USH2A: variants seen among roughly 807,000 people sequenced by gnomAD.
USH2A encodes the protein Usher syndrome 2A (autosomal recessive, mild).
A neutral mutation model predicts 538.9 loss-of-function variants in USH2A; 443 were observed. The observed-to-expected ratio is 0.82, with a 90% CI of 0.76 to 0.89. The LOEUF is 0.89. Among genes scored for constraint, USH2A ranks in the 40% least tolerant of loss-of-function variants. The pLI is 0.00. For missense variants in USH2A, 6,633 were observed against 6,324.8 expected, an observed-to-expected ratio of 1.05 and a Z score of -1.65; for synonymous variants, 2,413 against 2,273.5, an observed-to-expected ratio of 1.06 and a Z score of -1.75.
At chr1:215,880,631 G>A (rs1664879813) in intron 41 of USH2A, among the ~76,000 whole-genome samples, 1 of 152,244 alleles carries the variant, frequency 6.6e-6, no homozygotes, top group South Asian at 2.1e-4. Context: ...TGCTGTCTGT[G>A]GACCCGGAAA....
At chr1:215,828,439 TCAA>T (rs1328932865) in intron 47 of USH2A, among the ~76,000 whole-genome samples, 3 of 152,086 alleles carry the variant, frequency 2.0e-5, no homozygotes, top group African/African-American at 4.8e-5. Flanking sequence ...AGATCCTGTC[TCAA>T]CAACAACAAC....
rs541938498 is a variant in USH2A at position 215,850,583 on chromosome 1, C to T, written c.8846-4550G>A. 2.0e-5 allele frequency among the ~76,000 whole-genome samples: 3 copies of T among 152,118 alleles called. No individual in the cohort carries two copies. The South Asian group carries it at 6.2e-4, about 32-fold the overall frequency. Reference sequence around the variant, plus strand: ...ACACATAGGAGTTTAAAAAGGGCAACATAATAATAGCAGGGGACTTCAATA... The same window carrying T: ...ACACATAGGAGTTTAAAAAGGGCAATATAATAATAGCAGGGGACTTCAATA... On this transcript the variant is annotated intron_variant, in intron 44 of 71. Transcript: ENST00000307340.
chr1:216,253,604 C>A (rs1450005287), intron 11 of USH2A, among the ~76,000 whole-genome samples: 1 of 152,158 alleles, frequency 6.6e-6, no homozygotes, highest in Non-Finnish European at 1.5e-5. Context: ...GAATTCTATG[C>A]GTATTGATCA....
At chr1:215,964,424 C>A (rs1667281685) in intron 37 of USH2A, among the ~76,000 whole-genome samples, 1 of 152,164 alleles carries the variant, frequency 6.6e-6, no homozygotes, top group South Asian at 2.1e-4. Flanking sequence ...TTTAGAAAAG[C>A]CTGTTTTTTT....
At chr1:215,977,002 T>A (rs549022818) in intron 35 of USH2A, among the ~76,000 whole-genome samples, 1 of 151,142 alleles carries the variant, frequency 6.6e-6, no homozygotes, top group African/African-American at 2.4e-5. Flanking sequence ...TTTTTTCTTT[T>A]TTTTCGGCGG....
chr1:215,731,446 G>C (rs538581051), intron 60 of USH2A, among the ~76,000 whole-genome samples: 165 of 152,228 alleles, frequency 1.1e-3, no homozygotes, highest in African/African-American at 3.7e-3. Flanking sequence ...CATTTAACTG[G>C]AAGTGTTTCC....
At chr1:215,663,956 C>T (rs1657522462) in intron 64 of USH2A, among the ~76,000 whole-genome samples, 1 of 152,062 alleles carries the variant, frequency 6.6e-6, no homozygotes, top group African/African-American at 2.4e-5. Context: ...CAGAATGAAG[C>T]CAAACAGAGA....
Position 216,327,660 on chromosome 1 carries a change from A to G in USH2A, c.785-6T>C. The stretch of plus-strand genomic sequence containing the variant: ...TCCGACAAACTGCTCTAAACCTGCA[A>G]ATACACACATGTGCATAATATAAGA... On this transcript the variant is annotated splice_polypyrimidine_tract_variant and splice_region_variant and intron_variant, in intron 4 of 71. Transcript: ENST00000307340. The G allele has an allele frequency of 6.2e-7, 1 of 1,612,956 alleles. No homozygotes were observed. Among genetic ancestry groups the G allele is most frequent in the Non-Finnish European group, 8.5e-7 (1 of 1,179,344 alleles).
intron 18 of USH2A, among the ~76,000 whole-genome samples, chr1:216,197,953 T>C (rs1444051765): frequency 1.3e-5 from 2 of 152,170 alleles, no homozygotes; most frequent in African/African-American, 2.4e-5. Flanking sequence ...ATCTCTTTCA[T>C]TGAACATAAA....
chr1:215,836,549 A>AT lies in USH2A; in HGVS notation c.9371+1441dup, dbSNP rs1456042434. 8.4e-3 allele frequency among the ~76,000 whole-genome samples: 134 copies of AT among 15,982 alleles called. 6 individuals are homozygous for AT. The highest frequency in any genetic ancestry group is 0.021 in the African/African-American group (69 of 3,282). 10.5% of individuals were successfully genotyped at this position (15,982 alleles called of 152,430 possible). A position where few individuals can be genotyped will look rare whatever the true frequency, so the allele number is the denominator to read the frequency against. On this transcript the variant is annotated intron_variant, in intron 47 of 71. Coordinates refer to ENST00000307340, the MANE Select transcript of USH2A (RefSeq NM_206933.4). ...TATTATATATATATATATAATATATATATATATATATATATATTTTTTTTT... is the reference window on the plus strand; with the variant it reads ...TATTATATATATATATATAATATATATTATATATATATATATATTTTTTTTT...
At chr1:216,384,820 T>C (rs1274483358) in intron 3 of USH2A, among the ~76,000 whole-genome samples, 1 of 152,188 alleles carries the variant, frequency 6.6e-6, no homozygotes, top group Admixed American at 6.5e-5. Context: ...CTAAAGATAT[T>C]TTCCTTGTGG....
At chr1:216,042,699 C>T (rs915506943) in intron 32 of USH2A, among the ~76,000 whole-genome samples, 4 of 152,086 alleles carry the variant, frequency 2.6e-5, no homozygotes, top group African/African-American at 9.7e-5. Flanking sequence ...TTGCTGACTT[C>T]AGACAGACAG....
intron 9 of USH2A, among the ~76,000 whole-genome samples, chr1:216,311,291 G>C (rs1452324340): frequency 6.6e-6 from 1 of 152,092 alleles, no homozygotes; most frequent in African/African-American, 2.4e-5. Context: ...GTCTCTTTCC[G>C]GTAACCCAGA....
intron 53 of USH2A, among the ~76,000 whole-genome samples, 190 bp downstream of exon 53, chr1:215,782,548 A>G (rs890491545): frequency 3.3e-5 from 5 of 152,128 alleles, no homozygotes; most frequent in African/African-American, 7.2e-5. Flanking sequence ...TTACTTATTT[A>G]GGCTAAAAAT....
At chr1:216,283,873 G>T (rs989548333) in intron 11 of USH2A, among the ~76,000 whole-genome samples, 2 of 152,026 alleles carry the variant, frequency 1.3e-5, no homozygotes, top group African/African-American at 4.8e-5. Flanking sequence ...TTAATATGGG[G>T]TTATGAATGG....
At chr1:215,977,314 G>T (rs1207067964) in intron 35 of USH2A, among the ~76,000 whole-genome samples, 3 of 151,980 alleles carry the variant, frequency 2.0e-5, no homozygotes, top group Non-Finnish European at 4.4e-5. Context: ...TAGCTATTTA[G>T]CACAATAAAC....
chr1:216,395,017 C>T (rs917132197), intron 3 of USH2A, among the ~76,000 whole-genome samples: 15 of 152,146 alleles, frequency 9.9e-5, no homozygotes, highest in Admixed American at 7.2e-4. Context: ...CGCGCCCAGC[C>T]GGTCCAGTCG....
chr1:215,747,688 C>T (rs949785348), intron 58 of USH2A, among the ~76,000 whole-genome samples: 2 of 152,156 alleles, frequency 1.3e-5, no homozygotes, highest in Admixed American at 6.5e-5. Context: ...GGGACCCTCT[C>T]AGTTTGCAAT....
intron 4 of USH2A, among the ~76,000 whole-genome samples, chr1:216,360,607 T>G (rs1239019653): frequency 6.6e-6 from 1 of 152,012 alleles, no homozygotes; most frequent in Non-Finnish European, 1.5e-5. Context: ...TGAGGGATAT[T>G]GACAATGGGG....
Sources: allele counts gnomAD v4.1 joint callset (sites outside exome capture counted in the v4.1 genomes callset), GRCh38; gene constraint gnomAD v4.1.1; transcripts MANE v1.5; gene names NCBI Gene and HGNC (gene_info 2026-07-23, HGNC 2026-07-21).